Variants in SIN3A observed in about 807,000 individuals in gnomAD.
SIN3A encodes paired amphipathic helix protein Sin3a.
Under a neutral mutation model 146.1 loss-of-function variants are expected in SIN3A, and 14 were observed. That is an observed-to-expected ratio of 0.10 (90% CI 0.06 to 0.15). SIN3A has a LOEUF of 0.15. SIN3A is among the 10% of genes least tolerant of loss of function. SIN3A has a pLI of 1.00. For missense variants in SIN3A, 1,028 were observed against 1,576.0 expected (o/e 0.65, Z 5.89); for synonymous variants, 572 against 572.0 (o/e 1.00, Z 0.00).
intron 12 of SIN3A, among the ~76,000 whole-genome samples, chr15:75,398,333 C>T (rs78108836): frequency 0.2 from 30,890 of 152,112 alleles, 3,560 homozygotes; most frequent in Non-Finnish European, 0.26. Flanking sequence ...ATGGGGCCTT[C>T]TACCACCTCA....
intron 1 of SIN3A, among the ~76,000 whole-genome samples, chr15:75,445,391 A>T (rs2141626627): frequency 6.9e-6 from 1 of 144,646 alleles, no homozygotes; most frequent in South Asian, 2.2e-4. Context: ...AAAAAAAAAA[A>T]AAAAAAAAAA....
intron 1 of SIN3A, among the ~76,000 whole-genome samples, chr15:75,450,885 G>C (rs976951929): frequency 2.0e-5 from 3 of 152,204 alleles, no homozygotes; most frequent in South Asian, 2.1e-4. Flanking sequence ...CGGGGTGCAG[G>C]GGGGGACGGC....
Position 75,437,528 on chromosome 15 carries a change from A to G in SIN3A, c.-33-7120T>C, listed in dbSNP as rs186418497. On this transcript the variant is annotated intron_variant, in intron 1 of 20. Coordinates refer to ENST00000394947, the MANE Select transcript of SIN3A (RefSeq NM_001145358.2). ...TTAAATGACTTATTCAAGGTCACAT[A>G]CCTGACTAAAAGAGCAAGAGGTTAA... 5.9e-4 allele frequency among the ~76,000 whole-genome samples: 90 copies of G among 152,296 alleles called. 1 individual carries two copies. Among genetic ancestry groups the G allele is most frequent in the Admixed American group, 1.5e-3 (23 of 15,298 alleles).
At chr15:75,395,393 C>G (rs540772147) in intron 13 of SIN3A, among the ~76,000 whole-genome samples, 2 of 152,016 alleles carry the variant, frequency 1.3e-5, no homozygotes, top group Non-Finnish European at 2.9e-5. Flanking sequence ...ATGCTACAGG[C>G]AAGAAGAAGA....
At chr15:75,385,777 G>A (rs117509374) in intron 16 of SIN3A, among the ~76,000 whole-genome samples, 2,112 of 152,262 alleles carry the variant, frequency 0.014, 156 homozygotes, top group Admixed American at 0.11. Context: ...GTAGATAACT[G>A]GACACAGTGA....
chr15:75,411,784 A>G, intron 5 of SIN3A, 41 bp from the exon 6 acceptor site: 2 of 1,526,454 alleles, frequency 1.3e-6, no homozygotes, highest in Non-Finnish European at 8.8e-7. Context: ...AGATGCATAG[A>G]TGAGTTGATA....
intron 15 of SIN3A, among the ~76,000 whole-genome samples, chr15:75,390,702 A>G (rs540243920): frequency 2.0e-5 from 3 of 152,316 alleles, no homozygotes; most frequent in South Asian, 4.1e-4. Context: ...GAGCTGCACA[A>G]TTCTGATTTG....
Position 75,370,945 on chromosome 15 carries a change from C to T in SIN3A, c.*1034G>A, listed in dbSNP as rs2072739444. ...TGAGAGTTTATTCCTTAAGTAAGAA[C>T]CAAGCTTTATTTATTTACAAAAAAA... On this transcript the variant is annotated 3_prime_UTR_variant, in exon 21 of 21. Transcript: ENST00000394947. 1 of 136,918 alleles carries T rather than the reference C, an allele frequency of 7.3e-6. No individual in the cohort carries two copies. Among genetic ancestry groups the T allele is most frequent in the African/African-American group, 2.8e-5 (1 of 35,624 alleles). 8.5% of individuals were successfully genotyped at this position (136,918 alleles called of 1,614,324 possible). A position where few individuals can be genotyped will look rare whatever the true frequency, so the allele number is the denominator to read the frequency against.
chr15:75,408,132 C>G (rs1425261842), intron 8 of SIN3A, among the ~76,000 whole-genome samples: 2 of 152,172 alleles, frequency 1.3e-5, no homozygotes, highest in Non-Finnish European at 2.9e-5. Flanking sequence ...TCTGCTTACA[C>G]TGCCTATGGA....
At chr15:75,386,183 G>A (rs1426245371) in intron 16 of SIN3A, among the ~76,000 whole-genome samples, 1 of 152,092 alleles carries the variant, frequency 6.6e-6, no homozygotes, top group Non-Finnish European at 1.5e-5. Flanking sequence ...GTGCCACCAC[G>A]CCCAGCTAAC....
At chr15:75,408,738 A>C (rs1349553116) in intron 8 of SIN3A, among the ~76,000 whole-genome samples, 1 of 152,228 alleles carries the variant, frequency 6.6e-6, no homozygotes, top group Non-Finnish European at 1.5e-5. Flanking sequence ...AAGATGATAC[A>C]CATAAGATCT....
intron 14 of SIN3A, among the ~76,000 whole-genome samples, 181 bp from the exon 15 acceptor site, chr15:75,392,996 C>T (rs2141427373): frequency 6.6e-6 from 1 of 152,238 alleles, no homozygotes; most frequent in East Asian, 1.9e-4. Context: ...TTTGGTAGGC[C>T]GAGGAGGGTG....
At chr15:75,455,663 C>A (rs1419756313), upstream of SIN3A, 1 of 152,250 alleles carries the variant, frequency 6.6e-6, no homozygotes, top group African/African-American at 2.4e-5. Context: ...AGCCTCCCCT[C>A]AGCTCGGTCC....
At chr15:75,430,530 T>C in intron 1 of SIN3A, 122 bp from the exon 2 acceptor site, 3 of 673,354 alleles carry the variant, frequency 4.5e-6, no homozygotes, top group Non-Finnish European at 6.9e-6. Flanking sequence ...ATCTATTTCA[T>C]CTTAGTGATG....
At chr15:75,380,971 C>G (rs1037994605) in intron 18 of SIN3A, 8 of 326,648 alleles carry the variant, frequency 2.4e-5, no homozygotes, top group Non-Finnish European at 4.1e-5. Flanking sequence ...CAGGTAGAAG[C>G]TGGCTCACTG....
chr15:75,400,479 T>A (rs547851500), intron 11 of SIN3A, among the ~76,000 whole-genome samples: 1 of 152,036 alleles, frequency 6.6e-6, no homozygotes, highest in Non-Finnish European at 1.5e-5. Context: ...CCCAGGTACT[T>A]GGGAGGATCA....
chr15:75,371,949 C>G lies in SIN3A; in HGVS notation c.*30G>C, dbSNP rs532469957. On this transcript the variant is annotated 3_prime_UTR_variant, in exon 21 of 21. Coordinates refer to ENST00000394947, the MANE Select transcript of SIN3A (RefSeq NM_001145358.2). ...AGGCCCACACACACATCCCCACACA[C>G]ACCCCAAGTTATCTGCTCTGGCTTT... 2.7e-5 allele frequency: 43 copies of G among 1,595,910 alleles called. No homozygotes were observed. In the South Asian group the frequency reaches 4.4e-4, roughly 16 times the overall value.
chr15:75,426,324 T>C (rs1195355003), intron 2 of SIN3A, among the ~76,000 whole-genome samples: 1 of 152,200 alleles, frequency 6.6e-6, no homozygotes, highest in Non-Finnish European at 1.5e-5. Flanking sequence ...GAGTGACACC[T>C]AAGGAATCAC....
intron 8 of SIN3A, among the ~76,000 whole-genome samples, chr15:75,408,484 T>G (rs1382333043): frequency 6.6e-6 from 1 of 152,232 alleles, no homozygotes; most frequent in Non-Finnish European, 1.5e-5. Context: ...TATTTAATTC[T>G]GCAGACATAT....
Sources: allele counts gnomAD v4.1 joint callset (sites outside exome capture counted in the v4.1 genomes callset), GRCh38; gene constraint gnomAD v4.1.1; transcripts MANE v1.5; gene names NCBI Gene and HGNC (gene_info 2026-07-23, HGNC 2026-07-21).